Variants in NRG1 observed in about 807,000 individuals in gnomAD.
NRG1 encodes the protein neuregulin 1.
Under a neutral mutation model 63.8 loss-of-function variants are expected in NRG1, and 18 were observed. The ratio of observed to expected loss-of-function variants is 0.28; its 90% confidence interval spans 0.19 to 0.42. NRG1 has a LOEUF of 0.42. Among genes scored for constraint, NRG1 ranks in the 10% least tolerant of loss-of-function variants. NRG1 has a pLI of 1.00. For synonymous variants in NRG1, 302 were observed against 301.3 expected, an observed-to-expected ratio of 1.00 and a Z score of -0.02; for missense variants, 762 against 814.7, an observed-to-expected ratio of 0.94 and a Z score of 0.79.
chr8:31,686,364 T>G (rs1808890892), intron 1 of NRG1, among the ~76,000 whole-genome samples: 1 of 152,168 alleles, frequency 6.6e-6, no homozygotes, highest in South Asian at 2.1e-4. Context: ...TCATTAAGCA[T>G]TTAGAAAAAA....
chr8:32,143,979 T>C lies in NRG1; in HGVS notation c.38-451849T>C, dbSNP rs1412734322. Among the ~76,000 whole-genome samples the C allele has an allele frequency of 3.9e-5, 6 of 152,306 alleles. No individual in the cohort carries two copies. The East Asian group carries it at 1.2e-3, about 29-fold the overall frequency. On this transcript the variant is annotated intron_variant, in intron 1 of 10. Coordinates refer to the NRG1 transcript ENST00000519301. Reference sequence around the variant, plus strand: ...CATTTGTGTGCATTTATGTTTAGCGTCAATTTCTCCTCCCATGAGGCTATA... The same window carrying C: ...CATTTGTGTGCATTTATGTTTAGCGCCAATTTCTCCTCCCATGAGGCTATA...
At chr8:31,962,227 A>G (rs972260001) in intron 1 of NRG1, among the ~76,000 whole-genome samples, 1 of 152,316 alleles carries the variant, frequency 6.6e-6, no homozygotes, top group East Asian at 1.9e-4. Flanking sequence ...AAAATTGTCT[A>G]CAGAAAACAA....
chr8:32,244,834 A>T (rs1030415507), intron 1 of NRG1, among the ~76,000 whole-genome samples: 1 of 152,224 alleles, frequency 6.6e-6, no homozygotes, highest in African/African-American at 2.4e-5. Context: ...AGTCATAGAG[A>T]TCAGGCTCCT....
chr8:32,109,728 C>A (rs1400592628), intron 1 of NRG1, among the ~76,000 whole-genome samples: 1 of 152,114 alleles, frequency 6.6e-6, no homozygotes, highest in Non-Finnish European at 1.5e-5. Context: ...AGTTCCCCTT[C>A]AGTTCCCCTC....
chr8:32,484,606 T>C (rs2129493750), intron 1 of NRG1, among the ~76,000 whole-genome samples: 1 of 152,328 alleles, frequency 6.6e-6, no homozygotes, highest in East Asian at 1.9e-4. Flanking sequence ...TGCCTTTTTT[T>C]TTTCTTTCTC....
At chr8:32,328,810 T>G (rs1260873699) in intron 1 of NRG1, among the ~76,000 whole-genome samples, 1 of 152,174 alleles carries the variant, frequency 6.6e-6, no homozygotes, top group African/African-American at 2.4e-5. Context: ...TAAATCATCT[T>G]GGAATTATAG....
At chr8:31,857,826 G>A (rs1828069374) in intron 1 of NRG1, among the ~76,000 whole-genome samples, 2 of 152,232 alleles carry the variant, frequency 1.3e-5, no homozygotes, top group Admixed American at 6.5e-5. Flanking sequence ...TAAAGCAATG[G>A]AGGCAACTCA....
intron 5 of NRG1, among the ~76,000 whole-genome samples, chr8:32,687,316 A>G (rs1431307191): frequency 6.6e-6 from 1 of 152,154 alleles, no homozygotes; most frequent in Non-Finnish European, 1.5e-5. Context: ...TGACTAGATG[A>G]TGGATGGATG....
chr8:32,013,113 T>A (rs1422396507), intron 1 of NRG1, among the ~76,000 whole-genome samples: 1 of 151,962 alleles, frequency 6.6e-6, no homozygotes, highest in South Asian at 2.1e-4. Context: ...GCCTGATGGA[T>A]AAACTAGACC....
At chr8:32,686,388 G>C (rs931080211) in intron 5 of NRG1, among the ~76,000 whole-genome samples, 2 of 152,196 alleles carry the variant, frequency 1.3e-5, no homozygotes, top group African/African-American at 4.8e-5. Flanking sequence ...ATTAAAGAAA[G>C]AGTGAGGATA....
intron 1 of NRG1, among the ~76,000 whole-genome samples, chr8:31,724,717 A>C (rs977715304): frequency 2.0e-5 from 3 of 152,138 alleles, no homozygotes; most frequent in African/African-American, 7.2e-5. Context: ...ATATGAATAA[A>C]TTCTTCACAC....
chr8:32,140,814 T>C (rs1399226595), intron 1 of NRG1, among the ~76,000 whole-genome samples: 3 of 152,142 alleles, frequency 2.0e-5, no homozygotes, highest in Non-Finnish European at 4.4e-5. Flanking sequence ...CAACTCAGGG[T>C]GACAACCTCC....
At chr8:32,505,624 C>T (rs564693201) in intron 1 of NRG1, among the ~76,000 whole-genome samples, 10 of 152,262 alleles carry the variant, frequency 6.6e-5, no homozygotes, top group East Asian at 5.8e-4. Flanking sequence ...AAAGAGAAAG[C>T]GAGCTGAGAC....
At chr8:32,583,348 C>T (rs1321796899) in intron 1 of NRG1, among the ~76,000 whole-genome samples, 1 of 152,076 alleles carries the variant, frequency 6.6e-6, no homozygotes, top group African/African-American at 2.4e-5. Flanking sequence ...TTTGTGACTG[C>T]TTCATCCTGC....
chr8:32,209,613 T>C (rs1844449281), intron 1 of NRG1, among the ~76,000 whole-genome samples: 1 of 152,202 alleles, frequency 6.6e-6, no homozygotes, highest in African/African-American at 2.4e-5. Context: ...AAAAGAGGGT[T>C]CTTCTGAAAA....
intron 1 of NRG1, among the ~76,000 whole-genome samples, chr8:32,376,328 TCTTCTTCTGTTAA>T (rs1234015469): frequency 6.6e-6 from 1 of 152,128 alleles, no homozygotes; most frequent in Non-Finnish European, 1.5e-5. Context: ...TTTCTTGGGC[TCTTCTTCTGTTAA>T]CAGGACTCTT....
intron 5 of NRG1, among the ~76,000 whole-genome samples, chr8:32,680,593 C>A (rs1475389771): frequency 6.6e-6 from 1 of 152,102 alleles, no homozygotes; most frequent in Non-Finnish European, 1.5e-5. Flanking sequence ...CAATGGTAAC[C>A]ATTTATTGAT....
At chr8:31,781,899 C>T (rs893953376) in intron 1 of NRG1, among the ~76,000 whole-genome samples, 3 of 151,948 alleles carry the variant, frequency 2.0e-5, no homozygotes, top group South Asian at 2.1e-4. Context: ...TTTCAAGTGG[C>T]CTCAGAAATC....
intron 1 of NRG1, among the ~76,000 whole-genome samples, chr8:32,071,308 A>T (rs79842642): frequency 0.021 from 3,176 of 152,308 alleles, 40 homozygotes; most frequent in South Asian, 0.039. Context: ...TGCAGATTAC[A>T]TGATTGTTCA....
Sources: gnomAD v4.1 joint callset for allele counts (sites outside exome capture counted in the v4.1 genomes callset) on GRCh38, gnomAD v4.1.1 for gene constraint, MANE v1.5 for transcripts, NCBI Gene and HGNC (gene_info 2026-07-23, HGNC 2026-07-21) for gene names.